Variants in STRA6 observed in about 807,000 individuals in gnomAD.
STRA6 encodes the protein receptor for retinol uptake STRA6.
In STRA6, 48 loss-of-function variants were observed where a neutral mutation model predicts 83.6. The observed-to-expected ratio is 0.57, with a 90% CI of 0.46 to 0.73. STRA6 has a LOEUF of 0.73. Ranked by LOEUF, STRA6 falls within the 30% of genes least tolerant of loss-of-function variation. The pLI, the probability that STRA6 is intolerant of heterozygous loss-of-function variation, is 0.00. For missense variants in STRA6, 760 were observed against 838.8 expected (o/e 0.91, Z 1.16); for synonymous variants, 353 against 362.3 (o/e 0.97, Z 0.29).
chr15:74,186,808 A>C lies in STRA6; in HGVS notation c.1091-1753T>G, dbSNP rs184338609. Among the ~76,000 whole-genome samples, 3 of 152,290 alleles carry C rather than the reference A, an allele frequency of 2.0e-5. No individual in the cohort carries two copies. The East Asian group carries it at 5.8e-4, about 29-fold the overall frequency. ...AAATCACTGGGAGGGCTGTTCACTC[A>C]AAGAGGCTGGGCCCCACTCTGAGAG... is the stretch of plus-strand genomic sequence containing the variant. On this transcript the variant is annotated intron_variant, in intron 12 of 18. Transcript: ENST00000395105.
chr15:74,207,606 C>T, upstream of STRA6: 1 of 1,258,464 alleles, frequency 7.9e-7, no homozygotes, highest in Admixed American at 2.0e-5. Context: ...TTACAATACT[C>T]AAACCTCAGG....
Position 74,196,094 on chromosome 15 carries a change from A to G in STRA6, c.320T>C (p.Phe107Ser). The change falls in exon 5 of 19, where the codon TTC (phenylalanine) becomes TCC (serine). Residue 107 changes from phenylalanine (F) to serine (S), a missense_variant. Transcript: ENST00000395105. ...ACACAGGGAGCTCAGGAGGACCATG[A>G]AAACAGCAGCAGGCACTGCCCGGGG... The part of the protein sequence containing the change: ...DRPRAVPAAV[F>S]MVLLSSLCLL... 6.2e-7 allele frequency: 1 copy of G among 1,614,066 alleles called. No individual in the cohort carries two copies. Among genetic ancestry groups the G allele is most frequent in the Non-Finnish European group, 8.5e-7 (1 of 1,180,000 alleles).
chr15:74,179,965 G>C lies in STRA6; in HGVS notation c.*115C>G. The C allele has an allele frequency of 9.3e-6, 13 of 1,399,720 alleles. No homozygotes were observed. The highest frequency in any genetic ancestry group is 1.3e-5 in the Non-Finnish European group (13 of 1,011,364). 86.7% of individuals were successfully genotyped at this position (1,399,720 alleles called of 1,614,324 possible). A position where few individuals can be genotyped will look rare whatever the true frequency, so the allele number is the denominator to read the frequency against. ...TCCACCCAACCACAGTGATCCGGAGGACCTGCTGGCTGCATGGCTGGTGTG... is the reference window on the plus strand; with the variant it reads ...TCCACCCAACCACAGTGATCCGGAGCACCTGCTGGCTGCATGGCTGGTGTG... On this transcript the variant is annotated 3_prime_UTR_variant, in exon 19 of 19. Transcript: ENST00000395105.
chr15:74,199,839 C>G (rs1292754950), intron 2 of STRA6, among the ~76,000 whole-genome samples: 1 of 152,196 alleles, frequency 6.6e-6, no homozygotes, highest in Non-Finnish European at 1.5e-5. Flanking sequence ...TGAGCTTGAT[C>G]CTGGGACAGG....
chr15:74,180,390 G>T (rs562739097), intron 18 of STRA6, 147 bp from the exon 19 acceptor site: 6 of 1,011,296 alleles, frequency 5.9e-6, no homozygotes, highest in Non-Finnish European at 8.9e-6. Context: ...ACATGGAAGT[G>T]GGGGGTGAGG....
At chr15:74,187,590 CAG>C (rs1171081547) in intron 12 of STRA6, among the ~76,000 whole-genome samples, 1 of 152,042 alleles carries the variant, frequency 6.6e-6, no homozygotes, top group Non-Finnish European at 1.5e-5. Context: ...GCAGTCCTAA[CAG>C]AAGCTCTGAG....
intron 7 of STRA6, chr15:74,194,683 A>G (rs58138979): frequency 0.1 from 102,882 of 1,000,570 alleles, 6,121 homozygotes; most frequent in Admixed American, 0.17. Context: ...GCTGTAGTCC[A>G]GTGCCTGGAA....
At chr15:74,207,634 T>G, upstream of STRA6, 1 of 1,453,252 alleles carries the variant, frequency 6.9e-7, no homozygotes, top group Non-Finnish European at 9.3e-7. Context: ...CCAACTTCGA[T>G]AGCACGGAAG....
At chr15:74,180,332 C>T in intron 18 of STRA6, 89 bp from the exon 19 acceptor site, 2 of 1,539,978 alleles carry the variant, frequency 1.3e-6, no homozygotes, top group South Asian at 1.1e-5. Context: ...GCCTGAAAAT[C>T]CCAGGCGTGT....
At chr15:74,181,709 G>A (rs2073000767) in intron 16 of STRA6, among the ~76,000 whole-genome samples, 1 of 152,144 alleles carries the variant, frequency 6.6e-6, no homozygotes, top group African/African-American at 2.4e-5. Context: ...GGCAGAGCTG[G>A]GCTTTAACTC....
At chr15:74,205,655 A>G (rs1456328311), upstream of STRA6, among the ~76,000 whole-genome samples, 1 of 152,236 alleles carries the variant, frequency 6.6e-6, no homozygotes, top group Non-Finnish European at 1.5e-5. Flanking sequence ...AAGAAAGGCA[A>G]TCAGGTTGCC....
At chr15:74,198,272 T>C (rs529525657) in intron 2 of STRA6, among the ~76,000 whole-genome samples, 22 of 144,522 alleles carry the variant, frequency 1.5e-4, no homozygotes, top group Non-Finnish European at 2.5e-4. Context: ...ATGCCTGGCA[T>C]TTTTTTTTCT....
In STRA6 at chr15:74,179,861, T is replaced by C; in HGVS notation, c.*219A>G. On this transcript the variant is annotated 3_prime_UTR_variant, in exon 19 of 19. Coordinates refer to ENST00000395105, the MANE Select transcript of STRA6 (RefSeq NM_022369.4). ...CAAGGCCCTAACCCACCAGTTTCTT[T>C]CTCCAGAACCCCTGCTGGCTCTCCC... 1 of 605,740 alleles carries C rather than the reference T, an allele frequency of 1.7e-6. No individual in the cohort carries two copies. Among genetic ancestry groups the C allele is most frequent in the Non-Finnish European group, 2.8e-6 (1 of 355,960 alleles). The allele number at this position is 605,740 out of a possible 1,614,324, so 37.5% of individuals were successfully genotyped here.
chr15:74,199,185 G>A (rs1239424171), intron 2 of STRA6, among the ~76,000 whole-genome samples: 2 of 152,256 alleles, frequency 1.3e-5, no homozygotes, highest in African/African-American at 2.4e-5. Flanking sequence ...TATGAAGAGA[G>A]GCATCAAGGC....
At chr15:74,211,937 C>G (rs1176536020), upstream of STRA6, among the ~76,000 whole-genome samples, 2 of 151,946 alleles carry the variant, frequency 1.3e-5, no homozygotes, top group Admixed American at 1.3e-4. Flanking sequence ...CTTTTTGTTT[C>G]TCTCTCCTGC....
chr15:74,190,908 T>C lies in STRA6; in HGVS notation c.866-7A>G. 6.2e-7 allele frequency: 1 copy of C among 1,614,042 alleles called. No homozygotes were observed. Among genetic ancestry groups the C allele is most frequent in the Non-Finnish European group, 8.5e-7 (1 of 1,180,006 alleles). On this transcript the variant is annotated splice_polypyrimidine_tract_variant and splice_region_variant and intron_variant, in intron 10 of 18. Transcript: ENST00000395105. ...TTCAGCGGGAGATGGAATCCTGTAG[T>C]CCTCAAAGGAAGGAGTATGGTGAAC...
In STRA6 at chr15:74,189,210, T is replaced by A. The variant is rs929480135; in HGVS notation, c.995A>T (p.Asp332Val). 1 of 1,612,850 alleles carries A rather than the reference T, an allele frequency of 6.2e-7. No individual in the cohort carries two copies. The highest frequency in any genetic ancestry group is 1.3e-5 in the African/African-American group (1 of 74,906). ...AAAGCCGGCCAGCAGGTAGGAGACA[T>A]CCGTGGTGACCCCTGCCCTCACCTT... is the stretch of plus-strand genomic sequence containing the variant. ...IQKVRAGVTT[D>V]VSYLLAGFGI... The change falls in exon 12 of 19, where the codon GAT becomes GTT. Residue 332 changes from aspartate to valine, a missense_variant. Asp to Val is a radical substitution (Grantham distance 152). Transcript: ENST00000395105.
At chr15:74,191,635 G>T in intron 8 of STRA6, 144 bp from the exon 9 acceptor site, 1 of 736,778 alleles carries the variant, frequency 1.4e-6, no homozygotes, top group Non-Finnish European at 2.4e-6. Context: ...TGTGGATGGG[G>T]CTGACCTGTG....
At chr15:74,194,475 G>T in intron 7 of STRA6, 1 of 713,678 alleles carries the variant, frequency 1.4e-6, no homozygotes, top group Non-Finnish European at 1.8e-6. Flanking sequence ...CCCTCTCAAA[G>T]CAACCTCTTA....
Sources: allele counts gnomAD v4.1 joint callset (sites outside exome capture counted in the v4.1 genomes callset), GRCh38; gene constraint gnomAD v4.1.1; transcripts MANE v1.5; gene names NCBI Gene and HGNC (gene_info 2026-07-23, HGNC 2026-07-21).